SEMA6D: variants seen among roughly 807,000 people sequenced by gnomAD.
The protein encoded by SEMA6D is semaphorin-6D.
A neutral mutation model predicts 106.6 loss-of-function variants in SEMA6D; 35 were observed. That is an observed-to-expected ratio of 0.33 (90% CI 0.25 to 0.44). The LOEUF (loss-of-function observed/expected upper bound fraction) is 0.44. SEMA6D is among the 20% of genes least tolerant of loss of function. The pLI is 1.00. For missense variants in SEMA6D, 1,185 were observed against 1,345.9 expected, an observed-to-expected ratio of 0.88 and a Z score of 1.87; for synonymous variants, 499 against 487.7, an observed-to-expected ratio of 1.02 and a Z score of -0.31.
intron 2 of SEMA6D, among the ~76,000 whole-genome samples, chr15:47,455,741 A>G (rs1360725538): frequency 6.6e-6 from 1 of 151,970 alleles, no homozygotes; most frequent in Non-Finnish European, 1.5e-5. Flanking sequence ...GAAGATGAGA[A>G]AGAAGAGAAT....
chr15:47,194,089 G>A (rs565473835), intron 1 of SEMA6D, among the ~76,000 whole-genome samples: 118 of 151,762 alleles, frequency 7.8e-4, no homozygotes, highest in African/African-American at 2.6e-3. Flanking sequence ...GTGGATGGGT[G>A]GATGGGTGGA....
chr15:47,732,755 A>G (rs545227710), intron 1 of SEMA6D, among the ~76,000 whole-genome samples: 4 of 152,338 alleles, frequency 2.6e-5, no homozygotes, highest in Admixed American at 2.6e-4. Flanking sequence ...AAAATTTTGC[A>G]TACTTGGAAC....
At chr15:47,653,987 C>T (rs576347053) in intron 4 of SEMA6D, among the ~76,000 whole-genome samples, 15 of 152,228 alleles carry the variant, frequency 9.9e-5, no homozygotes, top group South Asian at 4.2e-4. Flanking sequence ...AGCAAAATGG[C>T]GATAATCCCT....
intron 2 of SEMA6D, among the ~76,000 whole-genome samples, chr15:47,440,603 G>T (rs1269281472): frequency 6.6e-6 from 1 of 151,516 alleles, no homozygotes; most frequent in African/African-American, 2.4e-5. Context: ...CACTTTTCAG[G>T]ATCAAATTAG....
intron 4 of SEMA6D, among the ~76,000 whole-genome samples, chr15:47,652,238 A>T (rs1267929346): frequency 6.6e-6 from 1 of 152,186 alleles, no homozygotes. Flanking sequence ...TAGAAATATG[A>T]GAGACAAAGA....
At chr15:47,719,516 A>T (rs1183924067) in intron 1 of SEMA6D, among the ~76,000 whole-genome samples, 1 of 152,172 alleles carries the variant, frequency 6.6e-6, no homozygotes, top group Non-Finnish European at 1.5e-5. Context: ...GGTGCTTTTT[A>T]AGGTTGCCCT....
At chr15:47,454,599 GCACACACACACA>G (rs71118183) in intron 2 of SEMA6D, among the ~76,000 whole-genome samples, 4 of 148,990 alleles carry the variant, frequency 2.7e-5, no homozygotes, top group African/African-American at 4.9e-5. Flanking sequence ...TTGCACATGT[GCACACACACACA>G]CACACACACA....
intron 3 of SEMA6D, among the ~76,000 whole-genome samples, chr15:47,557,011 C>A (rs997291318): frequency 1.3e-5 from 2 of 152,062 alleles, no homozygotes; most frequent in Admixed American, 1.3e-4. Flanking sequence ...TAAACGACTT[C>A]TCATGATTAA....
chr15:47,523,415 A>G (rs534376063), intron 3 of SEMA6D, among the ~76,000 whole-genome samples: 25 of 152,080 alleles, frequency 1.6e-4, no homozygotes, highest in African/African-American at 5.3e-4. Flanking sequence ...TGGGAAGGAG[A>G]CAGGGTGGGG....
chr15:47,296,594 T>C (rs1333088953), intron 1 of SEMA6D, among the ~76,000 whole-genome samples: 1 of 152,202 alleles, frequency 6.6e-6, no homozygotes. Context: ...ACATATTTTA[T>C]AACAACATAA....
Position 47,496,345 on chromosome 15 carries a change from C to T in SEMA6D, c.-87+25800C>T, listed in dbSNP as rs764296759. 5.9e-5 allele frequency among the ~76,000 whole-genome samples: 9 copies of T among 152,042 alleles called. 1 individual carries two copies. The highest frequency in any genetic ancestry group is 8.8e-5 in the Non-Finnish European group (6 of 67,970). On this transcript the variant is annotated intron_variant, in intron 3 of 19. Coordinates refer to the SEMA6D transcript ENST00000558014. ...GGACGTATTTTCTGAAAGTATTTAC[C>T]CTTGGTGTGTTCATAACATCTTCTG...
At chr15:47,702,466 T>C (rs1360951103) in intron 4 of SEMA6D, among the ~76,000 whole-genome samples, 3 of 152,218 alleles carry the variant, frequency 2.0e-5, no homozygotes, top group Admixed American at 2.0e-4. Context: ...TGTTGTTTTC[T>C]TACAAAACTA....
chr15:47,579,795 C>A (rs893463258), intron 3 of SEMA6D, among the ~76,000 whole-genome samples: 2 of 152,086 alleles, frequency 1.3e-5, no homozygotes, highest in Admixed American at 6.5e-5. Context: ...AATTACTTTG[C>A]CACTCCACTC....
intron 1 of SEMA6D, chr15:47,395,743 A>C (rs2040193010): frequency 6.6e-6 from 1 of 152,254 alleles, no homozygotes; most frequent in Non-Finnish European, 1.5e-5. Flanking sequence ...CACACAGAAG[A>C]AAGCAAGGAG....
At chr15:47,339,020 T>G (rs1253468077) in intron 1 of SEMA6D, 2 of 152,172 alleles carry the variant, frequency 1.3e-5, no homozygotes, top group Non-Finnish European at 2.9e-5. Flanking sequence ...CATTGCTACA[T>G]GGTTTTCAAT....
In SEMA6D at chr15:47,770,445, T is replaced by C. The variant is rs1216978458; in HGVS notation, c.1934-52T>C. 4 of 1,430,148 alleles carry C rather than the reference T, an allele frequency of 2.8e-6. No individual in the cohort carries two copies. In the South Asian group the frequency reaches 4.2e-5, roughly 15 times the overall value. The allele number at this position is 1,430,148 out of a possible 1,614,324, so 88.6% of individuals were successfully genotyped here. A position where few individuals can be genotyped will look rare whatever the true frequency, so the allele number is the denominator to read the frequency against. ...CTCACTGAAAGCCATTTGCTATTTATTATTATTTTTAAAAAGCACCTTATT... is the reference window on the plus strand; with the variant it reads ...CTCACTGAAAGCCATTTGCTATTTACTATTATTTTTAAAAAGCACCTTATT... On this transcript the variant is annotated intron_variant, in intron 18 of 18. Transcript: ENST00000536845.
chr15:47,402,148 G>T (rs1245588270), intron 1 of SEMA6D, among the ~76,000 whole-genome samples: 1 of 152,144 alleles, frequency 6.6e-6, no homozygotes, highest in Non-Finnish European at 1.5e-5. Context: ...TTGAAATGTA[G>T]TTGATGCCAC....
chr15:47,399,470 C>T (rs1814670393), intron 1 of SEMA6D: 1 of 152,214 alleles, frequency 6.6e-6, no homozygotes. Flanking sequence ...TTCTGACTTC[C>T]TAGACTTGAA....
chr15:47,630,962 G>A (rs1313912730), intron 4 of SEMA6D, among the ~76,000 whole-genome samples: 1 of 151,726 alleles, frequency 6.6e-6, no homozygotes, highest in African/African-American at 2.4e-5. Context: ...TGCTCATGGT[G>A]CATAATTCTT....
Sources: allele counts gnomAD v4.1 joint callset (sites outside exome capture counted in the v4.1 genomes callset), GRCh38; gene constraint gnomAD v4.1.1; transcripts MANE v1.5; gene names NCBI Gene and HGNC (gene_info 2026-07-23, HGNC 2026-07-21).